The following NFIB variants were observed in gnomAD, a reference collection of about 807,000 sequenced individuals.
NFIB encodes the protein nuclear factor 1 B-type.
A neutral mutation model predicts 61.5 loss-of-function variants in NFIB; 11 were observed. That is an observed-to-expected ratio of 0.18 (90% confidence interval 0.11 to 0.30). NFIB has a LOEUF of 0.30. NFIB is among the 10% of genes least tolerant of loss of function. NFIB has a pLI of 1.00. For synonymous variants in NFIB, 260 were observed against 216.5 expected (o/e 1.20, Z -1.76); for missense variants, 471 against 608.9 (o/e 0.77, Z 2.38).
chr9:14,137,138 A>G (rs1027431005), intron 6 of NFIB, among the ~76,000 whole-genome samples: 1 of 152,194 alleles, frequency 6.6e-6, no homozygotes, highest in African/African-American at 2.4e-5. Context: ...TCCCATTGCT[A>G]CATCCCTAGT....
intron 2 of NFIB, among the ~76,000 whole-genome samples, chr9:14,275,827 T>C (rs1479745261): frequency 2.0e-5 from 3 of 152,128 alleles, no homozygotes; most frequent in Non-Finnish European, 4.4e-5. Flanking sequence ...TATTTTTCTT[T>C]TACATTTGTG....
rs146614287 is a variant in NFIB at position 14,280,399 on chromosome 9, C to A, written c.562+26590G>T. ...TTTAAAAGAGTATCTACATTCACCA[C>A]CCCCTTCAAGCCTTTACTTAAATGT... is the stretch of plus-strand genomic sequence containing the variant. On this transcript the variant is annotated intron_variant, in intron 2 of 10. Transcript: ENST00000380953. 7.0e-4 allele frequency among the ~76,000 whole-genome samples: 106 copies of A among 152,258 alleles called. 1 individual carries two copies. In the East Asian group the frequency reaches 0.018, roughly 26 times the overall value.
upstream of NFIB, chr9:14,314,236 G>C (rs1458535164): frequency 1.3e-6 from 1 of 798,948 alleles, no homozygotes; most frequent in East Asian, 7.6e-5. Context: ...GGGGGCGCGA[G>C]CGCTGATCTC....
chr9:14,176,054 A>C (rs973973682), intron 3 of NFIB, among the ~76,000 whole-genome samples: 9 of 152,212 alleles, frequency 5.9e-5, no homozygotes, highest in African/African-American at 2.2e-4. Context: ...AAAGCAAGTC[A>C]AAGCTAATTT....
At chr9:14,404,076 T>G in the NFIB span, among the ~76,000 whole-genome samples, 1 of 152,294 alleles carries the variant, frequency 6.6e-6, no homozygotes, top group East Asian at 1.9e-4. Flanking sequence ...TTTCCTCCTA[T>G]CTCTGATTTT....
the NFIB span, among the ~76,000 whole-genome samples, chr9:14,445,753 G>C: frequency 6.6e-6 from 1 of 152,152 alleles, no homozygotes; most frequent in Admixed American, 6.5e-5. Context: ...TTTATGCTGT[G>C]TTCTCGAATG....
chr9:14,184,954 T>G (rs1052083523), intron 2 of NFIB, among the ~76,000 whole-genome samples: 1 of 151,818 alleles, frequency 6.6e-6, no homozygotes, highest in Non-Finnish European at 1.5e-5. Flanking sequence ...ACCTGGGAGG[T>G]GGAGGTTGCA....
the NFIB span, among the ~76,000 whole-genome samples, chr9:14,411,586 G>C: frequency 6.6e-6 from 1 of 152,152 alleles, no homozygotes; most frequent in East Asian, 1.9e-4. Flanking sequence ...AGTGGATTGA[G>C]AGCTACTGCA....
At chr9:14,308,002 T>G (rs2060104534) in intron 1 of NFIB, 1 of 153,466 alleles carries the variant, frequency 6.5e-6, no homozygotes, top group Non-Finnish European at 1.5e-5. Context: ...CCACAGTTCA[T>G]TTCTCTTCTC....
the NFIB span, among the ~76,000 whole-genome samples, chr9:14,423,939 C>A: frequency 1.3e-5 from 2 of 152,140 alleles, no homozygotes; most frequent in African/African-American, 4.8e-5. Flanking sequence ...ACAAGGGCAA[C>A]CCGGGTCGGC....
At chr9:14,393,906 G>C (rs1027684873) in intron 1 of NFIB, among the ~76,000 whole-genome samples, 2 of 152,078 alleles carry the variant, frequency 1.3e-5, no homozygotes, top group African/African-American at 4.8e-5. Context: ...AGTATTTTTG[G>C]TAAATTAACA....
chr9:14,335,320 C>T (rs2060873536), intron 1 of NFIB, among the ~76,000 whole-genome samples: 1 of 152,210 alleles, frequency 6.6e-6, no homozygotes, highest in South Asian at 2.1e-4. Flanking sequence ...TGTATGAGAG[C>T]TCCCATTCCT....
the NFIB span, among the ~76,000 whole-genome samples, chr9:14,528,745 A>G: frequency 6.6e-6 from 1 of 152,188 alleles, no homozygotes; most frequent in African/African-American, 2.4e-5. Context: ...TAAGTCTCAC[A>G]GAGAGCTTTA....
chr9:14,409,473 C>T, the NFIB span, among the ~76,000 whole-genome samples: 1 of 152,120 alleles, frequency 6.6e-6, no homozygotes, highest in Admixed American at 6.5e-5. Flanking sequence ...AATGCTAATG[C>T]CTGCCCATGC....
chr9:14,349,568 A>G (rs945610296), intron 1 of NFIB, among the ~76,000 whole-genome samples: 1 of 152,076 alleles, frequency 6.6e-6, no homozygotes, highest in Non-Finnish European at 1.5e-5. Context: ...AAGGGAAGAA[A>G]AGACTTGATC....
intron 2 of NFIB, among the ~76,000 whole-genome samples, chr9:14,303,400 G>C (rs901334232): frequency 2.6e-5 from 4 of 152,120 alleles, no homozygotes; most frequent in African/African-American, 9.7e-5. Context: ...TTTTTGCTTT[G>C]CTTTCATGAA....
At chr9:14,514,327 T>TACAC in the NFIB span, among the ~76,000 whole-genome samples, 2 of 147,940 alleles carry the variant, frequency 1.4e-5, no homozygotes, top group South Asian at 2.2e-4. Flanking sequence ...CATACATACA[T>TACAC]ACACACACAC....
chr9:14,455,001 G>C, the NFIB span, among the ~76,000 whole-genome samples: 1 of 152,186 alleles, frequency 6.6e-6, no homozygotes, highest in Non-Finnish European at 1.5e-5. Context: ...TATGTAATAT[G>C]AGCAAAAAAT....
At chr9:14,144,788 AGGAT>A (rs1451438673) in intron 6 of NFIB, among the ~76,000 whole-genome samples, 20 of 152,284 alleles carry the variant, frequency 1.3e-4, no homozygotes, top group Admixed American at 1.0e-3. Context: ...TGGGCTCTGA[AGGAT>A]GGCAAAGAGT....
Sources: allele counts gnomAD v4.1 joint callset (sites outside exome capture counted in the v4.1 genomes callset), GRCh38; gene constraint gnomAD v4.1.1; transcripts MANE v1.5; gene names NCBI Gene and HGNC (gene_info 2026-07-23, HGNC 2026-07-21).